The following TDRKH variants were observed in gnomAD, a reference collection of about 807,000 sequenced individuals.
TDRKH encodes tudor and KH domain containing.
Under a neutral mutation model 61.3 loss-of-function variants are expected in TDRKH, and 28 were observed. The observed-to-expected ratio is 0.46, with a 90% CI of 0.34 to 0.63. The LOEUF (loss-of-function observed/expected upper bound fraction) is 0.63, where lower values mean the gene tolerates loss of function less well. TDRKH is among the 20% of genes least tolerant of loss of function. The pLI is 0.01. For synonymous variants in TDRKH, 219 were observed against 244.4 expected (o/e 0.90, Z 0.97); for missense variants, 540 against 683.4 (o/e 0.79, Z 2.34).
chr1:151,769,060 T>G (rs910846231), downstream of TDRKH, among the ~76,000 whole-genome samples: 9 of 151,960 alleles, frequency 5.9e-5, no homozygotes, highest in African/African-American at 2.2e-4. Flanking sequence ...CTATGTCTAC[T>G]TCTTTCTACA....
At chr1:151,781,890 A>G (rs1201917188) in intron 2 of TDRKH, 2 of 448,664 alleles carry the variant, frequency 4.5e-6, no homozygotes, top group African/African-American at 4.1e-5. Context: ...ACTGGAGAAG[A>G]ATGAAGGCCA....
intron 2 of TDRKH, 91 bp downstream of exon 2, chr1:151,782,808 C>G (rs6681093): frequency 0.16 from 227,617 of 1,442,302 alleles, 19,898 homozygotes; most frequent in African/African-American, 0.36. Context: ...AAAACACACA[C>G]AATACCTGGC....
intron 4 of TDRKH, chr1:151,779,623 A>G (rs1649552886): frequency 2.7e-6 from 1 of 372,840 alleles, no homozygotes; most frequent in Non-Finnish European, 4.8e-6. Context: ...GAAAGCATAA[A>G]AGGTACCCTC....
chr1:151,768,327 G>C (rs553930423), downstream of TDRKH: 8 of 1,496,654 alleles, frequency 5.3e-6, no homozygotes, highest in African/African-American at 4.1e-5. Flanking sequence ...TCTGGAGCTA[G>C]ATATAAGCAA....
At chr1:151,774,956 G>A in intron 11 of TDRKH, 109 bp downstream of exon 11, 4 of 1,362,380 alleles carry the variant, frequency 2.9e-6, no homozygotes, top group Non-Finnish European at 3.1e-6. Context: ...ACTACTGGAG[G>A]AGCTCAAAGT....
chr1:151,789,260 T>C (rs1650660293), intron 1 of TDRKH, among the ~76,000 whole-genome samples: 2 of 152,340 alleles, frequency 1.3e-5, no homozygotes, highest in South Asian at 2.1e-4. Flanking sequence ...GCTAATTGAG[T>C]TATCAGCTGA....
chr1:151,770,139 C>G (rs563130078), downstream of TDRKH: 1 of 1,612,100 alleles, frequency 6.2e-7, no homozygotes, highest in East Asian at 2.2e-5. Context: ...AGGGAGCGGC[C>G]AAACATTTTA....
chr1:151,771,464 G>C (rs563584541), downstream of TDRKH: 1 of 911,774 alleles, frequency 1.1e-6, no homozygotes, highest in Non-Finnish European at 1.5e-6. Context: ...AGGATTTTTG[G>C]TTCCCTTTGC....
rs1471532213 is a variant in TDRKH, at chr1:151,773,624, T to G, written c.*828A>C. 6.6e-6 allele frequency: 1 copy of G among 152,356 alleles called. No individual in the cohort carries two copies. The highest frequency in any genetic ancestry group is 6.5e-5 in the Admixed American group (1 of 15,286). The allele number at this position is 152,356 out of a possible 1,614,324, so 9.4% of individuals were successfully genotyped here. A position where few individuals can be genotyped will look rare whatever the true frequency, so the allele number is the denominator to read the frequency against. ...TATTATACTAGCAATTTAGAAAATT[T>G]CCTGAGCCTCCTGTCTCCTTTCTAC... On this transcript the variant is annotated 3_prime_UTR_variant, in exon 13 of 13. Coordinates refer to ENST00000368824, the MANE Select transcript of TDRKH (RefSeq NM_001083965.2).
intron 1 of TDRKH, among the ~76,000 whole-genome samples, chr1:151,788,663 C>T (rs1650582530): frequency 6.6e-6 from 1 of 152,128 alleles, no homozygotes. Flanking sequence ...TCACACAGCT[C>T]ATTAGTCATT....
downstream of TDRKH, chr1:151,770,488 A>G: frequency 2.1e-6 from 1 of 486,078 alleles, no homozygotes; most frequent in Non-Finnish European, 3.6e-6. Flanking sequence ...CTGAAGGAGC[A>G]CTGGTGAAAT....
At chr1:151,774,549 T>G (rs1375563849) in intron 12 of TDRKH, 45 bp from the exon 13 acceptor site, 1 of 1,610,060 alleles carries the variant, frequency 6.2e-7, no homozygotes, top group Non-Finnish European at 8.5e-7. Flanking sequence ...ACTGCCCTAT[T>G]CTAGCAGGCA....
downstream of TDRKH, among the ~76,000 whole-genome samples, chr1:151,769,783 A>C (rs969329935): frequency 1.3e-5 from 2 of 152,238 alleles, no homozygotes; most frequent in African/African-American, 2.4e-5. Flanking sequence ...AGCCTGGGCA[A>C]CACTGAGCAC....
chr1:151,775,369 C>G, intron 10 of TDRKH, 23 bp downstream of exon 10: 1 of 1,603,206 alleles, frequency 6.2e-7, no homozygotes, highest in Non-Finnish European at 8.5e-7. Flanking sequence ...ATATGGCAAG[C>G]AGTGAGTGAA....
rs781713188 is a variant in TDRKH, at chr1:151,776,185, G to A, written c.1128C>T (p.Leu376=). 1.8e-5 allele frequency: 29 copies of A among 1,614,028 alleles called. No individual in the cohort carries two copies. The highest frequency in any genetic ancestry group is 1.5e-4 in the Admixed American group (9 of 59,998). Residue 376 remains leucine (L), a synonymous_variant, in exon 8 of 13, where the codon CTC becomes CTT. Coordinates refer to ENST00000368824, the MANE Select transcript of TDRKH (RefSeq NM_001083965.2). ...TNGSWYRARV[L]GTLENGNLDL... ...CCAAGTTCCCATTCTCCAAGGTGCCGAGGACCCGGGCTCGATACCAGGAAC... is the reference window on the plus strand; with the variant it reads ...CCAAGTTCCCATTCTCCAAGGTGCCAAGGACCCGGGCTCGATACCAGGAAC...
At chr1:151,787,422 T>C (rs1650425147) in intron 1 of TDRKH, among the ~76,000 whole-genome samples, 1 of 152,142 alleles carries the variant, frequency 6.6e-6, no homozygotes, top group Non-Finnish European at 1.5e-5. Flanking sequence ...TTTCACCATA[T>C]TGGCCAGGAT....
chr1:151,767,964 TC>T (rs1446568453), downstream of TDRKH: 8 of 1,496,142 alleles, frequency 5.3e-6, no homozygotes, highest in African/African-American at 6.9e-5. Context: ...TCCCAGGCTC[TC>T]CCCATCAATG....
chr1:151,767,858 T>G, downstream of TDRKH: 1 of 648,846 alleles, frequency 1.5e-6, no homozygotes, highest in Non-Finnish European at 2.6e-6. Context: ...CTCAGCTGGA[T>G]TGTTTGATAT....
At chr1:151,784,298 T>C (rs1199825282) in intron 1 of TDRKH, among the ~76,000 whole-genome samples, 1 of 152,252 alleles carries the variant, frequency 6.6e-6, no homozygotes, top group Non-Finnish European at 1.5e-5. Flanking sequence ...CTCTACTGGA[T>C]AGTCCCATCA....
Sources: gnomAD v4.1 joint callset for allele counts (sites outside exome capture counted in the v4.1 genomes callset) on GRCh38, gnomAD v4.1.1 for gene constraint, MANE v1.5 for transcripts, NCBI Gene and HGNC (gene_info 2026-07-23, HGNC 2026-07-21) for gene names.